PTPN14: variants seen among roughly 807,000 people sequenced by gnomAD.
PTPN14 encodes tyrosine-protein phosphatase non-receptor type 14.
In PTPN14, 53 loss-of-function variants were observed where a neutral mutation model predicts 126.8. That is an observed-to-expected ratio of 0.42 (90% CI 0.34 to 0.53). The LOEUF is 0.53. PTPN14 is among the 20% of genes least tolerant of loss of function. PTPN14 has a pLI of 0.08. For missense variants in PTPN14, 1,257 were observed against 1,552.9 expected (o/e 0.81, Z 3.20); for synonymous variants, 630 against 599.3 (o/e 1.05, Z -0.75).
intron 1 of PTPN14, among the ~76,000 whole-genome samples, chr1:214,511,944 G>C (rs1654983841): frequency 6.6e-6 from 1 of 151,916 alleles, no homozygotes; most frequent in Non-Finnish European, 1.5e-5. Context: ...ATCCATCACA[G>C]GGCCAGTTGC....
chr1:214,519,584 T>C (rs1236452709), intron 1 of PTPN14, among the ~76,000 whole-genome samples: 2 of 152,228 alleles, frequency 1.3e-5, no homozygotes, highest in Non-Finnish European at 2.9e-5. Context: ...ATTATTCTTA[T>C]TTACTTGTTA....
chr1:214,491,073 A>C (rs1035639401), intron 1 of PTPN14, among the ~76,000 whole-genome samples: 11 of 149,652 alleles, frequency 7.4e-5, no homozygotes, highest in Non-Finnish European at 1.6e-4. Flanking sequence ...GAAAGAAAGA[A>C]AGAGAAAGAA....
At chr1:214,527,606 CA>C (rs1655433002) in intron 1 of PTPN14, among the ~76,000 whole-genome samples, 1 of 151,992 alleles carries the variant, frequency 6.6e-6, no homozygotes, top group Non-Finnish European at 1.5e-5. Context: ...TTCTATTAAC[CA>C]AAAACTTCTA....
chr1:214,469,751 A>T (rs1435833699), intron 1 of PTPN14, among the ~76,000 whole-genome samples: 13 of 149,600 alleles, frequency 8.7e-5, no homozygotes, highest in Non-Finnish European at 1.2e-4. Flanking sequence ...GAGATGGGTC[A>T]ATTTAGGTTC....
intron 1 of PTPN14, among the ~76,000 whole-genome samples, chr1:214,537,293 A>G (rs941280593): frequency 3.3e-5 from 5 of 152,230 alleles, no homozygotes; most frequent in African/African-American, 9.6e-5. Context: ...GGGCTGCTGC[A>G]GATCAGGTCT....
At position 214,383,535 on chromosome 1, in the gene PTPN14, C is replaced by G; in HGVS notation, c.2320G>C (p.Ala774Pro). 3 of 1,613,930 alleles carry G rather than the reference C, an allele frequency of 1.9e-6. No homozygotes were observed. The highest frequency in any genetic ancestry group is 2.5e-6 in the Non-Finnish European group (3 of 1,179,904). ...CTCAGCACCCTGGCTCTGGCCATGG[C>G]GGGAGGAAGGCTGGCTTGGTCCTGC... ...LRQDQASLPP[A>P]MARARVLRHG... Residue 774 changes from alanine to proline, a missense_variant, in exon 13 of 19, where the codon GCC (alanine) becomes CCC (proline). Physicochemically the swap from Ala to Pro is conservative, Grantham distance 27. Coordinates refer to ENST00000366956, the MANE Select transcript of PTPN14 (RefSeq NM_005401.5). This position sits in a 1 kb window ranked among gnomAD's most constrained non-coding sequence, Gnocchi z 4.4.
At chr1:214,400,164 CAA>C (rs1056521248) in intron 7 of PTPN14, among the ~76,000 whole-genome samples, 1 of 152,176 alleles carries the variant, frequency 6.6e-6, no homozygotes, top group Non-Finnish European at 1.5e-5. Context: ...CTGTACCAAT[CAA>C]AAGAGACTCC....
intron 1 of PTPN14, among the ~76,000 whole-genome samples, chr1:214,521,628 C>T (rs1453304853): frequency 3.3e-5 from 5 of 151,958 alleles, no homozygotes; most frequent in African/African-American, 4.8e-5. Context: ...GACAGGAGAA[C>T]CGCCTGAACC....
intron 3 of PTPN14, among the ~76,000 whole-genome samples, chr1:214,449,074 C>T (rs1254862764): frequency 1.5e-5 from 2 of 134,334 alleles, no homozygotes; most frequent in Non-Finnish European, 3.1e-5. Flanking sequence ...TGGCGCTATC[C>T]CGGCTCACTG....
Position 214,384,198 on chromosome 1 carries a change from A to C in PTPN14, c.1657T>G (p.Tyr553Asp). Reference protein sequence around the residue: ...ANMQLQGSHNYSTAHMLKNYL... With the variant: ...ANMQLQGSHNDSTAHMLKNYL... ...TTCTTAAGCATGTGGGCCGTGCTGT[A>C]GTTATGGCTGCCCTGCAGCTGCATG... is the stretch of plus-strand genomic sequence containing the variant. Residue 553 changes from tyrosine to aspartate, a missense_variant, in exon 13 of 19, where the codon TAC (tyrosine) becomes GAC (aspartate). Transcript: ENST00000366956. This position sits in a 1 kb window ranked among gnomAD's most constrained non-coding sequence, Gnocchi z 5.3. The C allele has an allele frequency of 1.2e-6, 2 of 1,611,068 alleles. No individual in the cohort carries two copies. Among genetic ancestry groups the C allele is most frequent in the Non-Finnish European group, 1.7e-6 (2 of 1,179,240 alleles).
At chr1:214,445,253 G>T (rs762428908) in intron 3 of PTPN14, among the ~76,000 whole-genome samples, 7 of 152,150 alleles carry the variant, frequency 4.6e-5, no homozygotes, top group Non-Finnish European at 8.8e-5. Flanking sequence ...ACCAGATAGA[G>T]GGTACTTGGA....
At chr1:214,500,157 T>C (rs1468176605) in intron 1 of PTPN14, among the ~76,000 whole-genome samples, 1 of 152,052 alleles carries the variant, frequency 6.6e-6, no homozygotes, top group Middle Eastern at 3.2e-3. Context: ...TGACCAAGAA[T>C]CAAAGTTTCC....
At chr1:214,382,687 G>A (rs1379244573) in intron 13 of PTPN14, among the ~76,000 whole-genome samples, 1 of 152,184 alleles carries the variant, frequency 6.6e-6, no homozygotes, top group East Asian at 1.9e-4. Flanking sequence ...GGATCTTCAA[G>A]TGGTAATATG....
chr1:214,447,990 G>T (rs1660183621), intron 3 of PTPN14, among the ~76,000 whole-genome samples: 1 of 152,074 alleles, frequency 6.6e-6, no homozygotes, highest in Non-Finnish European at 1.5e-5. Flanking sequence ...AAAGAAAAAA[G>T]AAAAGTCCTT....
chr1:214,426,032 C>CAAAAAAAAAAAAAAAAAAAAAAAAAGAAA (rs1659655224), intron 3 of PTPN14, among the ~76,000 whole-genome samples: 1 of 33,850 alleles, frequency 3.0e-5, no homozygotes, highest in East Asian at 1.5e-3. Context: ...GCATAAATCG[C>CAAAAAAAAAAAAAAAAAAAAAAAAAGAAA]AAAAAAAAAA....
intron 5 of PTPN14, 74 bp downstream of exon 5, chr1:214,411,610 G>A (rs1450721257): frequency 6.7e-6 from 8 of 1,195,920 alleles, no homozygotes; most frequent in South Asian, 1.5e-5. Context: ...GTAAAATCCT[G>A]AAATTTTCAA....
chr1:214,509,364 G>A (rs6701105), intron 1 of PTPN14, among the ~76,000 whole-genome samples: 30,021 of 152,172 alleles, frequency 0.2, 5,822 homozygotes, highest in African/African-American at 0.51. Flanking sequence ...AACTTCATCA[G>A]TCAACCTCTG....
At chr1:214,441,453 C>T (rs1215750278) in intron 3 of PTPN14, among the ~76,000 whole-genome samples, 1 of 152,200 alleles carries the variant, frequency 6.6e-6, no homozygotes, top group Non-Finnish European at 1.5e-5. Flanking sequence ...GGATGTAGCA[C>T]ATCTGTCACT....
intron 2 of PTPN14, 105 bp downstream of exon 2, chr1:214,464,525 A>G: frequency 7.0e-7 from 1 of 1,437,776 alleles, no homozygotes; most frequent in Non-Finnish European, 9.4e-7. Flanking sequence ...GCCAAAAAAC[A>G]CAACAGATGC....
Sources: gnomAD v4.1 joint callset for allele counts (sites outside exome capture counted in the v4.1 genomes callset) on GRCh38, gnomAD v4.1.1 for gene constraint, Gnocchi (gnomAD v3.1) non-coding constraint, MANE v1.5 for transcripts, NCBI Gene and HGNC (gene_info 2026-07-23, HGNC 2026-07-21) for gene names.